PRKAR1A: variants seen among roughly 807,000 people sequenced by gnomAD.
PRKAR1A encodes the protein protein kinase cAMP-dependent type I regulatory subunit alpha.
PRKAR1A carries 3 observed loss-of-function variants against 52.0 expected under a neutral mutation model. The observed-to-expected ratio is 0.06, with a 90% CI of 0.03 to 0.15. The LOEUF (loss-of-function observed/expected upper bound fraction) is 0.15, where lower values mean the gene tolerates loss of function less well. Among genes scored for constraint, PRKAR1A ranks in the 10% least tolerant of loss-of-function variants. The pLI, the probability that PRKAR1A is intolerant of heterozygous loss-of-function variation, is 1.00. For synonymous variants in PRKAR1A, 188 were observed against 168.4 expected, an observed-to-expected ratio of 1.12 and a Z score of -0.90; for missense variants, 240 against 477.4, an observed-to-expected ratio of 0.50 and a Z score of 4.63.
intron 11 of PRKAR1A, among the ~76,000 whole-genome samples, chr17:68,539,140 A>G (rs2086184382): frequency 1.3e-5 from 2 of 152,188 alleles, no homozygotes; most frequent in Admixed American, 1.3e-4. Context: ...TTATGAGACC[A>G]CCGTCATATA....
chr17:68,530,091 C>T, intron 10 of PRKAR1A, 90 bp downstream of exon 10: 1 of 1,524,834 alleles, frequency 6.6e-7, no homozygotes, highest in Non-Finnish European at 9.1e-7. Context: ...TTGTCTTCTC[C>T]TGAATTTTAT....
chr17:68,510,159 C>CAGAGAGAGATAGAGAGAG (rs2085243878), upstream of PRKAR1A, among the ~76,000 whole-genome samples: 12 of 127,632 alleles, frequency 9.4e-5, no homozygotes, highest in African/African-American at 2.9e-4. Context: ...TATATGTAGA[C>CAGAGAGAGATAGAGAGAG]AGAGAGAGAG....
chr17:68,429,534 G>A, the PRKAR1A span, among the ~76,000 whole-genome samples: 2 of 152,178 alleles, frequency 1.3e-5, no homozygotes, highest in African/African-American at 4.8e-5. Context: ...AATCCGTATT[G>A]AAGTCAGATA....
chr17:68,529,066 G>T, intron 9 of PRKAR1A, 75 bp downstream of exon 9: 1 of 1,566,098 alleles, frequency 6.4e-7, no homozygotes, highest in Non-Finnish European at 8.8e-7. Context: ...AAAGTTGTAC[G>T]CTCTAAGAGG....
At chr17:68,528,820 A>C (rs372905685) in intron 8 of PRKAR1A, 50 bp from the exon 9 acceptor site, 1 of 1,607,518 alleles carries the variant, frequency 6.2e-7, no homozygotes, top group African/African-American at 1.3e-5. Flanking sequence ...TTTTACCTTT[A>C]TAACAGCACC....
intron 11 of PRKAR1A, among the ~76,000 whole-genome samples, chr17:68,546,358 A>G (rs942629374): frequency 1.3e-5 from 2 of 151,892 alleles, no homozygotes; most frequent in Admixed American, 1.3e-4. Flanking sequence ...ATTGAGATCA[A>G]TCTTCTTTTA....
At chr17:68,530,198 CTTCT>C in intron 10 of PRKAR1A, 75 bp from the exon 11 acceptor site, 1 of 1,558,314 alleles carries the variant, frequency 6.4e-7, no homozygotes, top group Non-Finnish European at 8.9e-7. Context: ...TATCTATTGT[CTTCT>C]TTCTCAGAAG....
chr17:68,442,366 G>A, the PRKAR1A span, among the ~76,000 whole-genome samples: 1 of 151,402 alleles, frequency 6.6e-6, no homozygotes, highest in East Asian at 1.9e-4. Context: ...TCAGGAGGCT[G>A]AGGAATGAGA....
intron 11 of PRKAR1A, among the ~76,000 whole-genome samples, chr17:68,544,319 A>G (rs1349921152): frequency 6.6e-6 from 1 of 152,184 alleles, no homozygotes; most frequent in African/African-American, 2.4e-5. Context: ...ATTTATATAC[A>G]TTAAATCTCT....
intron 1 of PRKAR1A, among the ~76,000 whole-genome samples, chr17:68,513,466 T>G (rs572642091): frequency 6.7e-4 from 102 of 152,352 alleles, no homozygotes; most frequent in African/African-American, 2.3e-3. Flanking sequence ...GTGTTTTTAT[T>G]TATTTCCCAG....
chr17:68,438,336 C>A, the PRKAR1A span, among the ~76,000 whole-genome samples: 1 of 152,188 alleles, frequency 6.6e-6, no homozygotes, highest in African/African-American at 2.4e-5. Context: ...CTCTGGAAAC[C>A]CCAATTCCTC....
chr17:68,444,660 C>A, the PRKAR1A span: 2 of 1,281,474 alleles, frequency 1.6e-6, no homozygotes, highest in Non-Finnish European at 2.2e-6. Flanking sequence ...CCAAATCATT[C>A]ATCTTTCATA....
chr17:68,439,517 G>A, the PRKAR1A span, among the ~76,000 whole-genome samples: 7,199 of 152,182 alleles, frequency 0.047, 180 homozygotes, highest in Middle Eastern at 0.099. Flanking sequence ...ACAAGGTTTG[G>A]GGCGATGAAA....
At chr17:68,507,760 C>A (rs1344272970), upstream of PRKAR1A, among the ~76,000 whole-genome samples, 1 of 151,984 alleles carries the variant, frequency 6.6e-6, no homozygotes, top group East Asian at 1.9e-4. Flanking sequence ...TTTAAAGCCT[C>A]AAATCCATGA....
chr17:68,537,178 G>A (rs2086118749), downstream of PRKAR1A: 1 of 572,084 alleles, frequency 1.7e-6, no homozygotes, highest in Non-Finnish European at 3.3e-6. The surrounding 1 kb of genome is among the most constrained non-coding windows in gnomAD (Gnocchi z 4.2). Context: ...CTGGGATCAA[G>A]GCTGCCAAGC....
chr17:68,476,703 G>A, the PRKAR1A span, among the ~76,000 whole-genome samples: 2 of 148,742 alleles, frequency 1.3e-5, no homozygotes, highest in Non-Finnish European at 3.0e-5. Context: ...ATGGAGTCTC[G>A]CTCTGTCACC....
At chr17:68,538,655 G>A (rs1220878235) in intron 11 of PRKAR1A, among the ~76,000 whole-genome samples, 1 of 152,210 alleles carries the variant, frequency 6.6e-6, no homozygotes, top group African/African-American at 2.4e-5. Context: ...TGCTTAGATG[G>A]TGATCAAGTA....
chr17:68,528,736 A>G (rs1369845958), intron 8 of PRKAR1A, 134 bp from the exon 9 acceptor site: 2 of 1,182,800 alleles, frequency 1.7e-6, no homozygotes, highest in East Asian at 2.4e-5. Context: ...GAAGACAGGT[A>G]CCACTTTTAA....
At chr17:68,519,874 C>T (rs995582132) in intron 2 of PRKAR1A, among the ~76,000 whole-genome samples, 12 of 152,126 alleles carry the variant, frequency 7.9e-5, no homozygotes, top group African/African-American at 2.7e-4. Context: ...TTCAAATGTA[C>T]GAGGTATGTG....
Sources: allele counts gnomAD v4.1 joint callset (sites outside exome capture counted in the v4.1 genomes callset), GRCh38; gene constraint gnomAD v4.1.1; non-coding constraint Gnocchi (gnomAD v3.1); transcripts MANE v1.5; gene names NCBI Gene and HGNC (gene_info 2026-07-23, HGNC 2026-07-21).